Variants in CTNNA3 observed in about 807,000 individuals in gnomAD.
The protein encoded by CTNNA3 is catenin alpha-3.
Under a neutral mutation model 95.7 loss-of-function variants are expected in CTNNA3, and 76 were observed. The observed-to-expected ratio is 0.79, with a 90% CI of 0.66 to 0.96. CTNNA3 has a LOEUF of 0.96. CTNNA3 is among the 40% of genes least tolerant of loss of function. CTNNA3 has a pLI of 0.00. For synonymous variants in CTNNA3, 431 were observed against 374.4 expected (o/e 1.15, Z -1.74); for missense variants, 1,191 against 1,089.8 (o/e 1.09, Z -1.31).
intron 5 of CTNNA3, among the ~76,000 whole-genome samples, chr10:67,297,049 A>G (rs149145989): frequency 6.6e-6 from 1 of 151,634 alleles, no homozygotes; most frequent in East Asian, 1.9e-4. Flanking sequence ...AAAAACCCAT[A>G]TTGTTGAGCT....
At chr10:67,179,730 G>A (rs1399465148) in intron 7 of CTNNA3, among the ~76,000 whole-genome samples, 1 of 151,988 alleles carries the variant, frequency 6.6e-6, no homozygotes, top group Non-Finnish European at 1.5e-5. Flanking sequence ...GGGAGGCTGA[G>A]GTAGAAGGAT....
intron 7 of CTNNA3, among the ~76,000 whole-genome samples, chr10:66,962,418 G>T (rs58209602): frequency 9.0e-5 from 13 of 144,254 alleles, no homozygotes; most frequent in Admixed American, 4.8e-4. Flanking sequence ...TTTTGTTTTT[G>T]TTTTTTTTTT....
At chr10:67,114,760 G>A (rs74376938) in intron 7 of CTNNA3, among the ~76,000 whole-genome samples, 2,710 of 149,382 alleles carry the variant, frequency 0.018, 88 homozygotes, top group African/African-American at 0.064. Context: ...TGTGGGGAAG[G>A]TGTCCTGGAG....
chr10:65,971,579 G>A (rs1396569069), intron 16 of CTNNA3, among the ~76,000 whole-genome samples: 1 of 151,752 alleles, frequency 6.6e-6, no homozygotes, highest in Non-Finnish European at 1.5e-5. Context: ...TAGAGGAAAA[G>A]ATAAATTTCT....
intron 12 of CTNNA3, among the ~76,000 whole-genome samples, chr10:66,361,837 CT>C (rs1258887563): frequency 6.6e-6 from 1 of 152,056 alleles, no homozygotes; most frequent in Non-Finnish European, 1.5e-5. Flanking sequence ...CATGCCCAAC[CT>C]AACCATTCTT....
At chr10:67,150,595 A>C (rs1834624261) in intron 7 of CTNNA3, among the ~76,000 whole-genome samples, 1 of 152,202 alleles carries the variant, frequency 6.6e-6, no homozygotes, top group African/African-American at 2.4e-5. Flanking sequence ...AAACCAGAAA[A>C]TATAGTCAAA....
At chr10:67,342,974 T>A (rs4745935) in intron 5 of CTNNA3, among the ~76,000 whole-genome samples, 135,079 of 152,032 alleles carry the variant, frequency 0.89, 61,117 homozygotes, top group East Asian at 1. Flanking sequence ...TTCTTTTGAG[T>A]CTGACTCTTG....
chr10:66,971,012 CCTTT>C (rs1175514230), intron 7 of CTNNA3, among the ~76,000 whole-genome samples: 1 of 151,980 alleles, frequency 6.6e-6, no homozygotes, highest in African/African-American at 2.4e-5. Context: ...AGTTTATTTG[CCTTT>C]CTATGAGTAT....
chr10:66,886,492 C>G (rs1380268836), intron 7 of CTNNA3, among the ~76,000 whole-genome samples: 1 of 152,148 alleles, frequency 6.6e-6, no homozygotes, highest in African/African-American at 2.4e-5. Flanking sequence ...AGGGTACTCC[C>G]TCATTCTGCC....
chr10:66,539,332 T>G (rs113911208), intron 10 of CTNNA3, among the ~76,000 whole-genome samples: 1 of 152,092 alleles, frequency 6.6e-6, no homozygotes, highest in Non-Finnish European at 1.5e-5. Context: ...CCAGTAAATC[T>G]ACATTTACAT....
intron 13 of CTNNA3, among the ~76,000 whole-genome samples, chr10:66,164,936 T>C (rs1450345117): frequency 6.6e-6 from 1 of 152,156 alleles, no homozygotes; most frequent in East Asian, 1.9e-4. Context: ...GAGTAGTTTC[T>C]AATTATTATT....
chr10:66,888,689 G>T (rs372172064), intron 7 of CTNNA3, among the ~76,000 whole-genome samples: 9 of 152,110 alleles, frequency 5.9e-5, no homozygotes, highest in African/African-American at 2.2e-4. Context: ...ACACCTATTA[G>T]AATGGTTAAA....
In CTNNA3 at chr10:66,611,299, C is replaced by T. The variant is rs180713736; in HGVS notation, c.1374+10393G>A. On this transcript the variant is annotated intron_variant, in intron 10 of 17. Transcript: ENST00000433211. ...GTGAAGAATTGTAGAGTCTCCAACA[C>T]AAAAAAGGATAAATATTTGAGGTGT... Among the ~76,000 whole-genome samples, 5 of 151,962 alleles carry T rather than the reference C, an allele frequency of 3.3e-5. No individual in the cohort carries two copies. The East Asian group carries it at 7.7e-4, about 24-fold the overall frequency.
intron 9 of CTNNA3, among the ~76,000 whole-genome samples, chr10:66,685,253 GTA>G (rs1455937806): frequency 3.3e-5 from 4 of 119,458 alleles, no homozygotes; most frequent in Admixed American, 9.6e-5. Context: ...GTATATATAC[GTA>G]TATATGTGTG....
intron 11 of CTNNA3, among the ~76,000 whole-genome samples, chr10:66,424,404 T>A (rs1022887335): frequency 3.9e-5 from 6 of 152,084 alleles, no homozygotes; most frequent in Non-Finnish European, 5.9e-5. Context: ...GTGTCCCTTT[T>A]TCTTAGTTTT....
intron 5 of CTNNA3, among the ~76,000 whole-genome samples, chr10:67,515,962 T>C (rs565886639): frequency 6.6e-6 from 1 of 152,262 alleles, no homozygotes; most frequent in South Asian, 2.1e-4. Context: ...TTTTATTTTA[T>C]TGATTTATTT....
intron 3 of CTNNA3, among the ~76,000 whole-genome samples, chr10:67,560,571 T>G (rs1841469999): frequency 1.3e-5 from 2 of 152,180 alleles, no homozygotes; most frequent in South Asian, 2.1e-4. Context: ...AGGAAGAAAC[T>G]GCATCAACTA....
At chr10:67,291,235 G>A (rs1210851939) in intron 5 of CTNNA3, among the ~76,000 whole-genome samples, 1 of 152,044 alleles carries the variant, frequency 6.6e-6, no homozygotes, top group Non-Finnish European at 1.5e-5. Context: ...CTTGGGACGT[G>A]GTGAGCTCCC....
intron 3 of CTNNA3, among the ~76,000 whole-genome samples, chr10:67,559,777 C>G (rs566095485): frequency 2.0e-5 from 3 of 152,024 alleles, no homozygotes; most frequent in Admixed American, 6.5e-5. Flanking sequence ...ATAACCAATA[C>G]AGAGAAGTGC....
Sources: allele counts gnomAD v4.1 joint callset (sites outside exome capture counted in the v4.1 genomes callset), GRCh38; gene constraint gnomAD v4.1.1; transcripts MANE v1.5; gene names NCBI Gene and HGNC (gene_info 2026-07-23, HGNC 2026-07-21).